Variants in TSPAN15 observed in about 807,000 individuals in gnomAD.
TSPAN15 encodes tetraspanin 15.
A neutral mutation model predicts 34.5 loss-of-function variants in TSPAN15; 20 were observed. The ratio of observed to expected loss-of-function variants is 0.58; its 90% confidence interval spans 0.41 to 0.84. TSPAN15 has a LOEUF of 0.84. TSPAN15 is among the 40% of genes least tolerant of loss of function. TSPAN15 has a pLI of 0.00. For synonymous variants in TSPAN15, 155 were observed against 153.9 expected, an observed-to-expected ratio of 1.01 and a Z score of -0.05; for missense variants, 313 against 386.1, an observed-to-expected ratio of 0.81 and a Z score of 1.59.
In TSPAN15 at chr10:69,507,431, C is replaced by T. The variant is rs551250217; in HGVS notation, c.*453C>T. 37 of 1,281,450 alleles carry T rather than the reference C, an allele frequency of 2.9e-5. No individual in the cohort carries two copies. The highest frequency in any genetic ancestry group is 2.2e-4 in the Middle Eastern group (1 of 4,524). 79.4% of individuals were successfully genotyped at this position (1,281,450 alleles called of 1,614,324 possible). A position where few individuals can be genotyped will look rare whatever the true frequency, so the allele number is the denominator to read the frequency against. ...GAGGGAAGAGCTGTCCATGCAGCCA[C>T]GCCCATGGCCAGGTTGGCCTCTTCT... On this transcript the variant is annotated 3_prime_UTR_variant, in exon 8 of 8. Coordinates refer to ENST00000373290, the MANE Select transcript of TSPAN15 (RefSeq NM_012339.5).
chr10:69,485,012 AGG>A lies in TSPAN15; in HGVS notation c.283-128_283-127del, dbSNP rs1338575603. The A allele has an allele frequency of 3.5e-6, 3 of 851,194 alleles. No homozygotes were observed. In the East Asian group the frequency reaches 7.4e-5, roughly 21 times the overall value. 52.7% of individuals were successfully genotyped at this position (851,194 alleles called of 1,614,324 possible). ...TCACAGGAGGAGGGGGCAGAGGCCTAGGAGCTGGTAGGAGCTCCCCGAGGGAT... is the reference window on the plus strand; with the variant it reads ...TCACAGGAGGAGGGGGCAGAGGCCTAAGCTGGTAGGAGCTCCCCGAGGGAT... On this transcript the variant is annotated intron_variant, in intron 2 of 7. Coordinates refer to ENST00000373290, the MANE Select transcript of TSPAN15 (RefSeq NM_012339.5).
chr10:69,461,053 GA>G (rs1692944275), intron 1 of TSPAN15, among the ~76,000 whole-genome samples: 1 of 152,184 alleles, frequency 6.6e-6, no homozygotes, highest in Admixed American at 6.5e-5. Flanking sequence ...AGTGCCCACA[GA>G]GCGCTGAGTG....
chr10:69,543,776 C>G, the TSPAN15 span, among the ~76,000 whole-genome samples: 1 of 150,972 alleles, frequency 6.6e-6, no homozygotes, highest in African/African-American at 2.4e-5. Flanking sequence ...CAAAGAGGCT[C>G]CTGAAGGGGC....
chr10:69,473,126 G>A (rs969708096), intron 1 of TSPAN15, among the ~76,000 whole-genome samples: 2 of 152,200 alleles, frequency 1.3e-5, no homozygotes, highest in Non-Finnish European at 1.5e-5. Context: ...TATAGCTGGG[G>A]TGATCCAGGA....
chr10:69,485,209 G>C lies in TSPAN15; in HGVS notation c.351G>C (p.Arg117=). 1 of 1,614,078 alleles carries C rather than the reference G, an allele frequency of 6.2e-7. No individual in the cohort carries two copies. Among genetic ancestry groups the C allele is most frequent in the Non-Finnish European group, 8.5e-7 (1 of 1,179,998 alleles). The change falls in exon 3 of 8, where the codon CGG becomes CGC. Residue 117 remains arginine (R), a synonymous_variant. Transcript: ENST00000373290. ...LIGGVVALTF[R]NQTIDFLNDN... ...GTGGCGTGGTGGCCTTGACCTTCCG[G>C]AACCAGGTGGGCCTGTGGATTTGTG... is the stretch of plus-strand genomic sequence containing the variant.
chr10:69,458,793 T>G (rs1841173739), intron 1 of TSPAN15, among the ~76,000 whole-genome samples: 1 of 152,122 alleles, frequency 6.6e-6, no homozygotes, highest in African/African-American at 2.4e-5. Flanking sequence ...CCCTGAGAAG[T>G]GTCCTTCGCT....
chr10:69,456,739 A>G (rs1165237003), intron 1 of TSPAN15, among the ~76,000 whole-genome samples: 1 of 152,220 alleles, frequency 6.6e-6, no homozygotes, highest in Non-Finnish European at 1.5e-5. Context: ...ACCCAAACTG[A>G]GACCCGCTCC....
At chr10:69,486,441 ATGTT>A (rs1048528037) in intron 3 of TSPAN15, among the ~76,000 whole-genome samples, 2 of 151,968 alleles carry the variant, frequency 1.3e-5, no homozygotes, top group African/African-American at 4.8e-5. Flanking sequence ...TTTAAAAATA[ATGTT>A]TGTTTATTTT....
At chr10:69,496,306 C>G (rs1842079720) in intron 4 of TSPAN15, among the ~76,000 whole-genome samples, 1 of 144,654 alleles carries the variant, frequency 6.9e-6, no homozygotes, top group Non-Finnish European at 1.5e-5. Flanking sequence ...TAGGTCCACC[C>G]AAATCTGTTG....
At chr10:69,539,533 A>AAGGAGAAGGAGAAGGAGACGG in the TSPAN15 span, among the ~76,000 whole-genome samples, 1 of 48,284 alleles carries the variant, frequency 2.1e-5, no homozygotes, top group African/African-American at 7.2e-5. Context: ...GAAGAAGAAG[A>AAGGAGAAGGAGAAGGAGACGG]AGAAGGAGAA....
chr10:69,539,944 A>T, the TSPAN15 span, among the ~76,000 whole-genome samples: 1 of 149,972 alleles, frequency 6.7e-6, no homozygotes, highest in East Asian at 2.0e-4. Flanking sequence ...CTGCAGGGGG[A>T]TGCTGGAAAA....
intron 1 of TSPAN15, among the ~76,000 whole-genome samples, chr10:69,478,172 A>T (rs940555475): frequency 7.1e-6 from 1 of 141,176 alleles, no homozygotes; most frequent in African/African-American, 3.2e-5. Flanking sequence ...AGCAGGTGGC[A>T]GTGTGCAGAG....
At chr10:69,466,358 CAG>C (rs779863629) in intron 1 of TSPAN15, among the ~76,000 whole-genome samples, 61 of 152,214 alleles carry the variant, frequency 4.0e-4, no homozygotes, top group Non-Finnish European at 6.5e-4. Context: ...TCTGCAAAAT[CAG>C]GGGGTTGGGC....
chr10:69,486,527 C>T (rs1841857845), intron 3 of TSPAN15, among the ~76,000 whole-genome samples: 1 of 152,196 alleles, frequency 6.6e-6, no homozygotes, highest in Non-Finnish European at 1.5e-5. Context: ...CAGCCTCGAA[C>T]CCCTGGGCTC....
the TSPAN15 span, among the ~76,000 whole-genome samples, chr10:69,532,095 A>G: frequency 1.3e-5 from 2 of 152,240 alleles, no homozygotes; most frequent in Admixed American, 1.3e-4. Flanking sequence ...TAATATTGTG[A>G]AAATGACCAT....
At chr10:69,540,650 C>T in the TSPAN15 span, among the ~76,000 whole-genome samples, 1 of 152,132 alleles carries the variant, frequency 6.6e-6, no homozygotes, top group African/African-American at 2.4e-5. Flanking sequence ...AGAGTGAAGT[C>T]TGTGTGTCTG....
At chr10:69,510,610 A>C (rs1842404921), downstream of TSPAN15, among the ~76,000 whole-genome samples, 5 of 152,134 alleles carry the variant, frequency 3.3e-5, no homozygotes, top group Admixed American at 2.6e-4. Flanking sequence ...TTCTAACCCT[A>C]TGTTGAATAG....
intron 1 of TSPAN15, among the ~76,000 whole-genome samples, chr10:69,481,002 C>CT (rs1418996811): frequency 1.3e-5 from 2 of 152,168 alleles, no homozygotes; most frequent in African/African-American, 4.8e-5. Flanking sequence ...CCGGCCTGGA[C>CT]TTGGCTTTTT....
the TSPAN15 span, among the ~76,000 whole-genome samples, chr10:69,538,146 A>G: frequency 1.3e-5 from 2 of 152,184 alleles, no homozygotes; most frequent in Non-Finnish European, 2.9e-5. Context: ...CCCCATCACC[A>G]AATACCATCA....
Sources: gnomAD v4.1 joint callset for allele counts (sites outside exome capture counted in the v4.1 genomes callset) on GRCh38, gnomAD v4.1.1 for gene constraint, MANE v1.5 for transcripts, NCBI Gene and HGNC (gene_info 2026-07-23, HGNC 2026-07-21) for gene names.